Variants in POT1 observed in about 807,000 individuals in gnomAD.
The protein encoded by POT1 is protection of telomeres protein 1.
A neutral mutation model predicts 78.5 loss-of-function variants in POT1; 47 were observed. The observed-to-expected ratio is 0.60, with a 90% CI of 0.47 to 0.76. The LOEUF (loss-of-function observed/expected upper bound fraction) is 0.76. Ranked by LOEUF, POT1 falls within the 30% of genes least tolerant of loss-of-function variation. The probability of loss-of-function intolerance (pLI) is 0.00; values close to 1 mark genes in which losing one functional copy is unlikely to be tolerated. For synonymous variants in POT1, 259 were observed against 260.7 expected, an observed-to-expected ratio of 0.99 and a Z score of 0.06; for missense variants, 646 against 749.9, an observed-to-expected ratio of 0.86 and a Z score of 1.62.
intron 2 of POT1, among the ~76,000 whole-genome samples, chr7:124,925,881 G>A (rs1252189076): frequency 6.6e-6 from 1 of 152,144 alleles, no homozygotes; most frequent in African/African-American, 2.4e-5. Flanking sequence ...TCAATTAATG[G>A]TGCTGGGAAA....
At chr7:124,862,298 A>C (rs1358129666) in intron 8 of POT1, among the ~76,000 whole-genome samples, 2 of 152,200 alleles carry the variant, frequency 1.3e-5, no homozygotes, top group Non-Finnish European at 2.9e-5. Context: ...AAAAGATAGA[A>C]TATGCCTCAG....
Position 124,897,151 on chromosome 7 carries a change from G to T in POT1, c.9+14C>A. 7.0e-7 allele frequency: 1 copy of T among 1,434,364 alleles called. No homozygotes were observed. Among genetic ancestry groups the T allele is most frequent in the South Asian group, 1.2e-5 (1 of 81,946 alleles). The allele number at this position is 1,434,364 out of a possible 1,614,324, so 88.9% of individuals were successfully genotyped here. A position where few individuals can be genotyped will look rare whatever the true frequency, so the allele number is the denominator to read the frequency against. ...TAGGTGTAATACTCTAAATTAAACT[G>T]AATATCATCTTACCAAAGACATTGA... On this transcript the variant is annotated intron_variant, in intron 5 of 18. Transcript: ENST00000357628.
chr7:124,849,642 A>T (rs1795256320), intron 11 of POT1, among the ~76,000 whole-genome samples: 1 of 152,166 alleles, frequency 6.6e-6, no homozygotes, highest in Non-Finnish European at 1.5e-5. Context: ...TGGAGAAGTA[A>T]AAACATGGAA....
chr7:124,834,475 C>T (rs945675496), intron 15 of POT1, among the ~76,000 whole-genome samples: 1 of 152,058 alleles, frequency 6.6e-6, no homozygotes, highest in Admixed American at 6.5e-5. Flanking sequence ...TTTACACAGC[C>T]AACAAACATA....
intron 3 of POT1, among the ~76,000 whole-genome samples, chr7:124,913,902 G>A (rs1423278453): frequency 1.3e-5 from 2 of 152,018 alleles, no homozygotes; most frequent in African/African-American, 2.4e-5. Flanking sequence ...TTGGGAGGCC[G>A]AGGTGGGTGG....
intron 2 of POT1, among the ~76,000 whole-genome samples, chr7:124,916,686 G>T (rs1679493460): frequency 1.3e-5 from 2 of 152,004 alleles, no homozygotes; most frequent in African/African-American, 4.8e-5. Context: ...GCTTACCTAA[G>T]GTAAATGACA....
intron 6 of POT1, among the ~76,000 whole-genome samples, chr7:124,877,736 G>T (rs1477216270): frequency 6.6e-6 from 1 of 151,038 alleles, no homozygotes. Context: ...GTGAGGCTGA[G>T]GCAGGAGAGT....
At chr7:124,869,930 T>C (rs796589187) in intron 7 of POT1, among the ~76,000 whole-genome samples, 1 of 152,116 alleles carries the variant, frequency 6.6e-6, no homozygotes, top group Non-Finnish European at 1.5e-5. Context: ...TTCTCTATTA[T>C]CCTCTTATTC....
At chr7:124,894,164 T>TA (rs1181846081) in intron 5 of POT1, among the ~76,000 whole-genome samples, 1 of 151,538 alleles carries the variant, frequency 6.6e-6, no homozygotes, top group Non-Finnish European at 1.5e-5. Context: ...AAACTCAAAT[T>TA]AAAAAATTAG....
rs776187798 is a variant in POT1, at chr7:124,842,840, G to C, written c.1130C>G (p.Ser377Cys). Reference sequence around the variant, plus strand: ...ACATTTAGGGCAATGAAGTTTAACAGACTGAAATAGTCTTCTGGGCTTATA... The same window carrying C: ...ACATTTAGGGCAATGAAGTTTAACACACTGAAATAGTCTTCTGGGCTTATA... ...RSYKPRRLFQSVKLHCPKCHL... is the reference protein window; with the variant it reads ...RSYKPRRLFQCVKLHCPKCHL... The change falls in exon 13 of 19, where the codon TCT becomes TGT. Residue 377 changes from serine (S) to cysteine (C), a missense_variant. By Grantham distance (112) the Ser-to-Cys change is moderately radical. Around this residue, in one of 2 missense-constraint regions of POT1, gnomAD observed 394 missense variants for 408.4 expected, o/e 0.96. Transcript: ENST00000357628. 6.9e-6 allele frequency: 11 copies of C among 1,601,824 alleles called. No individual in the cohort carries two copies. The East Asian group carries it at 2.2e-4, about 33-fold the overall frequency.
rs112411545 is a variant in POT1 at position 124,897,229 on chromosome 7, A to G, written c.-39-17T>C. The G allele has an allele frequency of 1.0e-3, 1,335 of 1,272,226 alleles. 3 individuals carry two copies. The Middle Eastern group carries it at 0.012, about 12-fold the overall frequency. 78.8% of individuals were successfully genotyped at this position (1,272,226 alleles called of 1,614,324 possible). ...GACATAAACCTGAAGGAAAAAAAGA[A>G]AGAACTTATTTGTATACAGATAACC... On this transcript the variant is annotated splice_polypyrimidine_tract_variant and intron_variant, in intron 4 of 18. Transcript: ENST00000357628.
chr7:124,896,849 T>C (rs1465425229), intron 5 of POT1, among the ~76,000 whole-genome samples: 1 of 151,736 alleles, frequency 6.6e-6, no homozygotes, highest in Non-Finnish European at 1.5e-5. Flanking sequence ...AATTTGCCTA[T>C]GGTTTATAAC....
At chr7:124,887,179 G>A (rs1178814082) in intron 6 of POT1, among the ~76,000 whole-genome samples, 1 of 152,104 alleles carries the variant, frequency 6.6e-6, no homozygotes, top group Non-Finnish European at 1.5e-5. Context: ...TGAACAGTAT[G>A]ATGGGGTGGG....
intron 12 of POT1, among the ~76,000 whole-genome samples, chr7:124,844,194 T>A (rs1447281632): frequency 6.7e-6 from 1 of 149,276 alleles, no homozygotes; most frequent in Non-Finnish European, 1.5e-5. Context: ...AATGGTGCGA[T>A]CTCTGCTCAC....
chr7:124,834,829 G>C (rs1794851528), intron 15 of POT1, among the ~76,000 whole-genome samples: 1 of 152,084 alleles, frequency 6.6e-6, no homozygotes, highest in Non-Finnish European at 1.5e-5. Flanking sequence ...CAATAGCAAA[G>C]ACCTGGAACT....
intron 9 of POT1, among the ~76,000 whole-genome samples, chr7:124,854,168 G>T (rs115356097): frequency 2.6e-5 from 4 of 151,764 alleles, no homozygotes; most frequent in African/African-American, 9.7e-5. Context: ...TACAGATTTT[G>T]GAATATCTGC....
intron 3 of POT1, among the ~76,000 whole-genome samples, chr7:124,903,773 G>T (rs1268271443): frequency 6.6e-6 from 1 of 151,234 alleles, no homozygotes; most frequent in Non-Finnish European, 1.5e-5. Context: ...TTGATAGACT[G>T]CTAGCAAGAC....
chr7:124,872,473 G>A (rs780876279), intron 6 of POT1, among the ~76,000 whole-genome samples: 9 of 152,180 alleles, frequency 5.9e-5, no homozygotes, highest in East Asian at 1.9e-4. Context: ...CACTGTCCAC[G>A]CTCCCTGCCT....
intron 5 of POT1, among the ~76,000 whole-genome samples, chr7:124,893,439 A>G (rs1796419674): frequency 6.6e-6 from 1 of 151,512 alleles, no homozygotes. Flanking sequence ...ATAGTAGATA[A>G]GAAATGAAAA....
Sources: gnomAD v4.1 joint callset for allele counts (sites outside exome capture counted in the v4.1 genomes callset) on GRCh38, gnomAD v4.1.1 for gene constraint, gnomAD v4.1.1 regional missense constraint, MANE v1.5 for transcripts, NCBI Gene and HGNC (gene_info 2026-07-23, HGNC 2026-07-21) for gene names.